Variants in RGL1 observed in about 807,000 individuals in gnomAD.
RGL1 encodes the protein ral guanine nucleotide dissociation stimulator like 1, also known as ral guanine nucleotide dissociation stimulator-like 1.
RGL1 carries 24 observed loss-of-function variants against 95.2 expected under a neutral mutation model. The ratio of observed to expected loss-of-function variants is 0.25; its 90% CI spans 0.18 to 0.35. RGL1 has a LOEUF of 0.35. Among genes scored for constraint, RGL1 ranks in the 10% least tolerant of loss-of-function variants. The pLI is 1.00. For missense variants in RGL1, 715 were observed against 936.3 expected (o/e 0.76, Z 3.08); for synonymous variants, 329 against 344.9 (o/e 0.95, Z 0.51).
chr1:183,664,318 T>G (rs1651877952), intron 1 of RGL1, among the ~76,000 whole-genome samples: 1 of 152,212 alleles, frequency 6.6e-6, no homozygotes, highest in Non-Finnish European at 1.5e-5. Context: ...GTGTTGATTT[T>G]TGTATCCTGC....
chr1:183,845,931 A>T, intron 2 of RGL1, among the ~76,000 whole-genome samples: 1 of 152,106 alleles, frequency 6.6e-6, no homozygotes, highest in Non-Finnish European at 1.5e-5. Context: ...TTTTTTTCCC[A>T]TTCTCTAGGT....
At chr1:183,672,536 T>C (rs1302209562) in intron 1 of RGL1, among the ~76,000 whole-genome samples, 1 of 152,208 alleles carries the variant, frequency 6.6e-6, no homozygotes, top group Non-Finnish European at 1.5e-5. Context: ...TGCTGCATTC[T>C]AGTTAATTTC....
chr1:183,787,819 AC>A (rs1486465805), intron 2 of RGL1, among the ~76,000 whole-genome samples: 7 of 151,656 alleles, frequency 4.6e-5, no homozygotes, highest in Non-Finnish European at 7.4e-5. Context: ...GTTAAAAAAA[AC>A]AAAAACAAAA....
At chr1:183,737,968 A>G (rs7529946) in intron 1 of RGL1, among the ~76,000 whole-genome samples, 70,682 of 151,988 alleles carry the variant, frequency 0.47, 17,360 homozygotes, top group East Asian at 0.8. Context: ...AGGAGTCCGT[A>G]AGGCTTACGA....
At chr1:183,780,133 G>C (rs1659820620) in intron 2 of RGL1, among the ~76,000 whole-genome samples, 1 of 152,168 alleles carries the variant, frequency 6.6e-6, no homozygotes, top group South Asian at 2.1e-4. Context: ...TTAATGTGCT[G>C]GGTGACTTGA....
intron 3 of RGL1, among the ~76,000 whole-genome samples, chr1:183,853,730 T>G (rs1307545986): frequency 6.6e-6 from 1 of 152,198 alleles, no homozygotes; most frequent in Non-Finnish European, 1.5e-5. Flanking sequence ...ATTCAATCAG[T>G]AAGTAGCAGA....
At chr1:183,805,875 GTCTGAGTTTAAAA>G (rs2102412384) in intron 1 of RGL1, among the ~76,000 whole-genome samples, 1 of 150,572 alleles carries the variant, frequency 6.6e-6, no homozygotes, top group South Asian at 2.1e-4. Context: ...ACTTGTTTGT[GTCTGAGTTTAAAA>G]TCTGGTTTCT....
chr1:183,826,689 T>C (rs149265347), intron 2 of RGL1, among the ~76,000 whole-genome samples: 5 of 152,368 alleles, frequency 3.3e-5, no homozygotes, highest in African/African-American at 1.2e-4. Flanking sequence ...CAGTTCATTG[T>C]AGCACTGATG....
At chr1:183,848,452 C>T (rs7521946) in intron 3 of RGL1, among the ~76,000 whole-genome samples, 1 of 152,166 alleles carries the variant, frequency 6.6e-6, no homozygotes, top group Non-Finnish European at 1.5e-5. Flanking sequence ...AGAAAGCTGT[C>T]AGCCAAACAA....
chr1:183,858,504 C>G (rs2102570820), intron 3 of RGL1, among the ~76,000 whole-genome samples: 1 of 152,260 alleles, frequency 6.6e-6, no homozygotes, highest in Middle Eastern at 3.4e-3. Context: ...ATAACTGGAA[C>G]ACAGACCTTA....
intron 1 of RGL1, among the ~76,000 whole-genome samples, chr1:183,706,406 G>A (rs571899541): frequency 1.3e-5 from 2 of 152,204 alleles, no homozygotes; most frequent in Non-Finnish European, 2.9e-5. Context: ...CACCATCAGG[G>A]TTACCCTTGG....
At chr1:183,688,552 C>T (rs771606123) in intron 1 of RGL1, among the ~76,000 whole-genome samples, 6 of 152,072 alleles carry the variant, frequency 3.9e-5, no homozygotes, top group Non-Finnish European at 8.8e-5. Flanking sequence ...CCAAGACTGA[C>T]GCCTCTGCAA....
intron 3 of RGL1, among the ~76,000 whole-genome samples, chr1:183,853,209 G>A (rs1301367481): frequency 2.6e-5 from 4 of 152,132 alleles, no homozygotes; most frequent in African/African-American, 9.7e-5. Flanking sequence ...GGTGGTGCAT[G>A]CCTGTAGCCC....
rs1449229342 is a variant in RGL1 at position 183,831,184 on chromosome 1, A to T, written c.139-16382A>T. ...GTGACACTGACCAGAGGGGTGCTCTAGGGGGTTTATCTGAGTAAGTACTGC... is the reference window on the plus strand; with the variant it reads ...GTGACACTGACCAGAGGGGTGCTCTTGGGGGTTTATCTGAGTAAGTACTGC... On this transcript the variant is annotated intron_variant, in intron 2 of 17. Transcript: ENST00000360851. 2.0e-5 allele frequency among the ~76,000 whole-genome samples: 3 copies of T among 152,276 alleles called. No individual in the cohort carries two copies. In the East Asian group the frequency reaches 5.8e-4, roughly 29 times the overall value.
intron 2 of RGL1, among the ~76,000 whole-genome samples, chr1:183,832,740 A>C (rs1663346505): frequency 6.6e-6 from 1 of 152,198 alleles, no homozygotes; most frequent in Non-Finnish European, 1.5e-5. Context: ...TCTGGGTCTC[A>C]GTTTTCTTAT....
chr1:183,834,082 C>T (rs766733869), intron 2 of RGL1, among the ~76,000 whole-genome samples: 5 of 151,136 alleles, frequency 3.3e-5, no homozygotes, highest in East Asian at 1.9e-4. Context: ...GTAAAAGCCT[C>T]GTGAATTTAC....
chr1:183,788,652 T>C (rs1411909732), intron 2 of RGL1, among the ~76,000 whole-genome samples: 3 of 152,212 alleles, frequency 2.0e-5, no homozygotes, highest in Non-Finnish European at 4.4e-5. Context: ...TTTATTTACC[T>C]GGCCCTTGAC....
At position 183,922,351 on chromosome 1, in the gene RGL1, G is replaced by C; in HGVS notation, c.2119+15G>C. On this transcript the variant is annotated intron_variant, in intron 17 of 17. Coordinates refer to ENST00000360851, the MANE Select transcript of RGL1 (RefSeq NM_001297671.3). ...GGAGGACAAAGGTGGGCATCCTTCC[G>C]AGACAGGCATGTTCCTTCCCAGGGC... The C allele has an allele frequency of 6.3e-7, 1 of 1,592,542 alleles. No individual in the cohort carries two copies. Among genetic ancestry groups the C allele is most frequent in the Non-Finnish European group, 8.6e-7 (1 of 1,162,384 alleles).
intron 1 of RGL1, among the ~76,000 whole-genome samples, chr1:183,713,869 A>G (rs1225324888): frequency 1.3e-5 from 2 of 152,216 alleles, no homozygotes; most frequent in East Asian, 1.9e-4. Flanking sequence ...CTGTATCCCT[A>G]GGCCCTAGAT....
Sources: gnomAD v4.1 joint callset for allele counts (sites outside exome capture counted in the v4.1 genomes callset) on GRCh38, gnomAD v4.1.1 for gene constraint, MANE v1.5 for transcripts, NCBI Gene and HGNC (gene_info 2026-07-23, HGNC 2026-07-21) for gene names.